MED13L: variants seen among roughly 807,000 people sequenced by gnomAD.
MED13L encodes the protein mediator of RNA polymerase II transcription subunit 13-like.
A neutral mutation model predicts 220.9 loss-of-function variants in MED13L; 7 were observed. The observed-to-expected ratio is 0.03, with a 90% CI of 0.02 to 0.06. MED13L has a LOEUF of 0.06. Among genes scored for constraint, MED13L ranks in the 10% least tolerant of loss-of-function variants. MED13L has a pLI of 1.00. For synonymous variants in MED13L, 1,011 were observed against 1,015.2 expected (o/e 1.00, Z 0.08); for missense variants, 1,965 against 2,760.5 (o/e 0.71, Z 6.46).
At chr12:116,050,246 G>A (rs1011740977) in intron 4 of MED13L, among the ~76,000 whole-genome samples, 1 of 152,144 alleles carries the variant, frequency 6.6e-6, no homozygotes, top group African/African-American at 2.4e-5. Flanking sequence ...TAACCTGGCA[G>A]ATCAGGACAA....
chr12:116,274,387 T>C (rs1375883770), intron 1 of MED13L, among the ~76,000 whole-genome samples: 2 of 148,206 alleles, frequency 1.3e-5, no homozygotes, highest in Non-Finnish European at 3.0e-5. Context: ...CTAGGTAAAT[T>C]CTTTATAAAT....
At chr12:116,096,979 A>G (rs574600535) in intron 3 of MED13L, among the ~76,000 whole-genome samples, 2 of 152,346 alleles carry the variant, frequency 1.3e-5, no homozygotes, top group Admixed American at 1.3e-4. Context: ...AAACAAAAGT[A>G]AGCAAAATAA....
intron 2 of MED13L, among the ~76,000 whole-genome samples, chr12:116,221,323 G>A (rs1380432154): frequency 1.3e-5 from 2 of 150,682 alleles, no homozygotes; most frequent in African/African-American, 2.4e-5. Flanking sequence ...GCAGTGAGCT[G>A]TGATCACGCT....
chr12:116,165,259 C>CTTTTT lies in MED13L; in HGVS notation c.311-53752_311-53748dup, dbSNP rs34196219. On this transcript the variant is annotated intron_variant, in intron 2 of 30. Transcript: ENST00000281928. ...TTAAGGCAATGAAGTAGGCACCATC[C>CTTTTT]TTTTTTTTTTTTTTTTTTTTTTTTT... Among the ~76,000 whole-genome samples, 196 of 74,480 alleles carry CTTTTT rather than the reference C, an allele frequency of 2.6e-3. 11 individuals are homozygous for CTTTTT. The highest frequency in any genetic ancestry group is 0.011 in the African/African-American group (178 of 16,928). The allele number at this position is 74,480 out of a possible 152,430, so 48.9% of individuals were successfully genotyped here.
intron 4 of MED13L, among the ~76,000 whole-genome samples, chr12:116,069,938 A>T (rs1210792021): frequency 6.6e-6 from 1 of 152,202 alleles, no homozygotes; most frequent in Non-Finnish European, 1.5e-5. Flanking sequence ...AATCCAAAAA[A>T]ATCCAAAATT....
At chr12:116,146,251 T>G (rs964370125) in intron 2 of MED13L, among the ~76,000 whole-genome samples, 2 of 152,086 alleles carry the variant, frequency 1.3e-5, no homozygotes, top group African/African-American at 2.4e-5. Flanking sequence ...GCCTCCCAAG[T>G]AGCTGGGACT....
chr12:116,105,338 G>A (rs1159725763), intron 3 of MED13L, among the ~76,000 whole-genome samples: 1 of 152,090 alleles, frequency 6.6e-6, no homozygotes, highest in Non-Finnish European at 1.5e-5. Flanking sequence ...AGAAGTAGAG[G>A]GGACTAGCAG....
At chr12:116,040,597 C>A (rs1226247102) in intron 4 of MED13L, among the ~76,000 whole-genome samples, 1 of 152,066 alleles carries the variant, frequency 6.6e-6, no homozygotes, top group Non-Finnish European at 1.5e-5. Context: ...ATCAGATCTA[C>A]CACTTTCCCA....
intron 2 of MED13L, among the ~76,000 whole-genome samples, chr12:116,142,429 T>C (rs1877156692): frequency 1.3e-5 from 2 of 152,220 alleles, no homozygotes. Flanking sequence ...GGCTCACACC[T>C]GTAATCCTAG....
intron 2 of MED13L, among the ~76,000 whole-genome samples, chr12:116,227,048 C>A (rs1205677180): frequency 6.6e-6 from 1 of 151,636 alleles, no homozygotes; most frequent in Non-Finnish European, 1.5e-5. Flanking sequence ...TAAAACAATA[C>A]CAAGTGGAAA....
chr12:116,074,707 A>C (rs961145049), intron 4 of MED13L, among the ~76,000 whole-genome samples: 1 of 152,216 alleles, frequency 6.6e-6, no homozygotes, highest in African/African-American at 2.4e-5. Flanking sequence ...TTTGACCCTA[A>C]GATTCAAATT....
chr12:116,009,385 C>T (rs528485297), intron 9 of MED13L, among the ~76,000 whole-genome samples: 1 of 152,190 alleles, frequency 6.6e-6, no homozygotes, highest in East Asian at 1.9e-4. Flanking sequence ...CTACAAATCA[C>T]TGATTCAAAA....
At chr12:116,143,612 T>TA (rs1301224506) in intron 2 of MED13L, among the ~76,000 whole-genome samples, 1 of 152,204 alleles carries the variant, frequency 6.6e-6, no homozygotes, top group Non-Finnish European at 1.5e-5. Flanking sequence ...TCATTTCCGT[T>TA]ATTCTCTGGG....
At chr12:116,216,789 T>C (rs1195854129) in intron 2 of MED13L, among the ~76,000 whole-genome samples, 1 of 152,204 alleles carries the variant, frequency 6.6e-6, no homozygotes, top group South Asian at 2.1e-4. Context: ...ATTTGGTGGT[T>C]TGAAAACTAG....
At chr12:116,133,591 A>T (rs1030577161) in intron 2 of MED13L, among the ~76,000 whole-genome samples, 2 of 152,090 alleles carry the variant, frequency 1.3e-5, no homozygotes, top group African/African-American at 4.8e-5. Flanking sequence ...TTTTCCAAAG[A>T]TAGCTCACAA....
rs1404448657 is a variant in MED13L at position 115,970,763 on chromosome 12, G to A, written c.5898C>T (p.Val1966=). The A allele has an allele frequency of 3.1e-6, 5 of 1,613,764 alleles. No homozygotes were observed. ...TTCGGCCAAAAACAGAGCCCATTGT[G>A]ACAGCATCTTTAAAGAAAAAAATAG... ...QGSFVVMPDA[V]TMGSVFGRST... The change falls in exon 27 of 31, where the codon GTC becomes GTT. Residue 1966 remains valine, a synonymous_variant. Coordinates refer to ENST00000281928, the MANE Select transcript of MED13L (RefSeq NM_015335.5).
In MED13L at chr12:115,959,588, TAA is replaced by T. The variant is rs1042710269; in HGVS notation, c.*1676_*1677del. ...AGAAAAAATAGCACTGCAATATTTT[TAA>T]AGTCAATTTTACACTGTACACATTA... On this transcript the variant is annotated 3_prime_UTR_variant, in exon 31 of 31. Transcript: ENST00000281928. 1 of 152,630 alleles carries T rather than the reference TAA, an allele frequency of 6.6e-6. No homozygotes were observed. Among genetic ancestry groups the T allele is most frequent in the African/African-American group, 2.4e-5 (1 of 41,460 alleles). 9.5% of individuals were successfully genotyped at this position (152,630 alleles called of 1,614,324 possible).
chr12:116,159,902 A>G (rs1878731861), intron 2 of MED13L, among the ~76,000 whole-genome samples: 2 of 150,536 alleles, frequency 1.3e-5, no homozygotes, highest in African/African-American at 2.5e-5. Context: ...GCACAAAATA[A>G]TAAAGAGCTA....
chr12:115,973,729 A>C (rs1173390993), intron 25 of MED13L, among the ~76,000 whole-genome samples: 1 of 152,224 alleles, frequency 6.6e-6, no homozygotes, highest in Non-Finnish European at 1.5e-5. Flanking sequence ...AAAATGATGA[A>C]TCCCCTAATG....
Sources: gnomAD v4.1 joint callset for allele counts (sites outside exome capture counted in the v4.1 genomes callset) on GRCh38, gnomAD v4.1.1 for gene constraint, MANE v1.5 for transcripts, NCBI Gene and HGNC (gene_info 2026-07-23, HGNC 2026-07-21) for gene names.